ZRANB3: variants seen among roughly 807,000 people sequenced by gnomAD.
ZRANB3 encodes the protein DNA annealing helicase and endonuclease ZRANB3.
A neutral mutation model predicts 133.8 loss-of-function variants in ZRANB3; 125 were observed. The ratio of observed to expected loss-of-function variants is 0.93; its 90% CI spans 0.81 to 1.08. The LOEUF is 1.08. ZRANB3 is among the 50% of genes least tolerant of loss of function. The pLI is 0.00. For synonymous variants in ZRANB3, 387 were observed against 432.7 expected (o/e 0.89, Z 1.31); for missense variants, 1,229 against 1,275.5 (o/e 0.96, Z 0.56).
At chr2:135,420,725 GAAT>G (rs1055082755) in intron 2 of ZRANB3, among the ~76,000 whole-genome samples, 2 of 151,980 alleles carry the variant, frequency 1.3e-5, no homozygotes, top group African/African-American at 4.8e-5. Context: ...TAAATTCTCG[GAAT>G]AATCAAAATA....
chr2:135,283,617 A>AC (rs1681203190), intron 8 of ZRANB3, among the ~76,000 whole-genome samples: 1 of 150,108 alleles, frequency 6.7e-6, no homozygotes, highest in Non-Finnish European at 1.5e-5. Flanking sequence ...CTCTGTCTAA[A>AC]AAAAAAAAAA....
At chr2:135,459,041 C>A (rs1170273087) in intron 2 of ZRANB3, among the ~76,000 whole-genome samples, 1 of 152,084 alleles carries the variant, frequency 6.6e-6, no homozygotes, top group Non-Finnish European at 1.5e-5. Context: ...CTTTTTTGAA[C>A]CCTCTCTTCC....
chr2:135,400,133 G>A (rs893234738), intron 2 of ZRANB3, among the ~76,000 whole-genome samples: 1 of 151,930 alleles, frequency 6.6e-6, no homozygotes, highest in Admixed American at 6.6e-5. Context: ...CCAGCTACTC[G>A]GGAGGCTGAG....
chr2:135,313,448 T>TAA (rs751265175), intron 8 of ZRANB3, 41 bp downstream of exon 8: 13 of 1,306,452 alleles, frequency 1.0e-5, no homozygotes, highest in Non-Finnish European at 1.4e-5. Context: ...CATTGAATAA[T>TAA]TTGTATGAAG....
chr2:135,467,335 C>G (rs938670506), intron 2 of ZRANB3, among the ~76,000 whole-genome samples: 1 of 152,186 alleles, frequency 6.6e-6, no homozygotes, highest in Non-Finnish European at 1.5e-5. Context: ...AAGAGCACTT[C>G]TAATCCATAT....
In ZRANB3 at chr2:135,217,509, C is replaced by T. The variant is rs368110394; in HGVS notation, c.2451G>A (p.Leu817=). ...GQLFCSPILA[L]EEITKQQTKQ... ...TGGTTTGTTGCTTTGTGATCTCTTC[C>T]AAAGCAAGAATTGGGCTACAGAATA... is the stretch of plus-strand genomic sequence containing the variant. The change falls in exon 17 of 21, where the codon TTG becomes TTA. Residue 817 remains leucine, a synonymous_variant. Transcript: ENST00000264159. The T allele has an allele frequency of 2.3e-5, 37 of 1,613,154 alleles. No individual in the cohort carries two copies. In the African/African-American group the frequency reaches 4.8e-4, roughly 21 times the overall value.
At chr2:135,511,741 C>T (rs563701394) in intron 1 of ZRANB3, 21 of 764,588 alleles carry the variant, frequency 2.7e-5, no homozygotes, top group Non-Finnish European at 4.2e-5. Flanking sequence ...GCTGAAGTTT[C>T]GTGACATCAC....
At chr2:135,487,113 A>G in intron 2 of ZRANB3, among the ~76,000 whole-genome samples, 1 of 152,192 alleles carries the variant, frequency 6.6e-6, no homozygotes, top group East Asian at 1.9e-4. Flanking sequence ...CAGGCACGAA[A>G]ACAACATTCA....
intron 6 of ZRANB3, among the ~76,000 whole-genome samples, chr2:135,340,303 A>G (rs13403157): frequency 1.3e-5 from 2 of 151,588 alleles, no homozygotes; most frequent in African/African-American, 2.4e-5. Context: ...ATGGGGTTTC[A>G]CCATGTTGGC....
chr2:135,212,859 G>C (rs974315785), intron 17 of ZRANB3, among the ~76,000 whole-genome samples: 2 of 152,218 alleles, frequency 1.3e-5, no homozygotes, highest in Non-Finnish European at 2.9e-5. Flanking sequence ...GCTGTAACCA[G>C]AGATTAAACA....
chr2:135,488,538 A>G (rs1692226180), intron 2 of ZRANB3, among the ~76,000 whole-genome samples: 1 of 151,776 alleles, frequency 6.6e-6, no homozygotes, highest in Non-Finnish European at 1.5e-5. Context: ...TGATTATACT[A>G]TATAGCATAC....
intron 2 of ZRANB3, among the ~76,000 whole-genome samples, chr2:135,494,098 A>G (rs1441822191): frequency 3.4e-5 from 5 of 145,068 alleles, no homozygotes; most frequent in African/African-American, 1.3e-4. Flanking sequence ...ATGGATAGAA[A>G]TAGAAAGGAG....
At chr2:135,361,496 T>C (rs1685692345) in intron 3 of ZRANB3, among the ~76,000 whole-genome samples, 1 of 152,250 alleles carries the variant, frequency 6.6e-6, no homozygotes, top group African/African-American at 2.4e-5. Flanking sequence ...AAAATTTCAG[T>C]TTCACTTTTT....
chr2:135,231,953 T>C (rs1020671796), intron 12 of ZRANB3, among the ~76,000 whole-genome samples: 1 of 152,114 alleles, frequency 6.6e-6, no homozygotes, highest in African/African-American at 2.4e-5. Flanking sequence ...TGCAGGACAG[T>C]GGGTGCAGCG....
At chr2:135,256,604 A>G (rs1679668423) in intron 12 of ZRANB3, among the ~76,000 whole-genome samples, 1 of 152,362 alleles carries the variant, frequency 6.6e-6, no homozygotes, top group Non-Finnish European at 1.5e-5. Context: ...CTGGGATTAT[A>G]GGCGTGAGCC....
In ZRANB3 at chr2:135,403,739, T is replaced by C. The variant is rs562031553; in HGVS notation, c.162-12919A>G. On this transcript the variant is annotated intron_variant, in intron 2 of 20. Coordinates refer to ENST00000264159, the MANE Select transcript of ZRANB3 (RefSeq NM_032143.4). ...ACTGACACCTCACACGGCCGGGTACTCCTCTGAGACAAAACTTCCAGAGGA... is the reference window on the plus strand; with the variant it reads ...ACTGACACCTCACACGGCCGGGTACCCCTCTGAGACAAAACTTCCAGAGGA... Among the ~76,000 whole-genome samples the C allele has an allele frequency of 5.3e-5, 8 of 152,066 alleles. No homozygotes were observed. The East Asian group carries it at 1.5e-3, about 29-fold the overall frequency.
chr2:135,356,878 TG>T (rs1304656467), intron 3 of ZRANB3, among the ~76,000 whole-genome samples: 1 of 152,034 alleles, frequency 6.6e-6, no homozygotes, highest in Non-Finnish European at 1.5e-5. Flanking sequence ...CTATTTTTTT[TG>T]GTACTTTTTG....
chr2:135,272,521 T>C (rs554358694), intron 9 of ZRANB3, among the ~76,000 whole-genome samples: 50 of 150,228 alleles, frequency 3.3e-4, no homozygotes, highest in Non-Finnish European at 6.6e-4. Context: ...TCACGCCATT[T>C]TCCTGCCTCA....
intron 8 of ZRANB3, among the ~76,000 whole-genome samples, chr2:135,299,953 T>C (rs1682350071): frequency 6.6e-6 from 1 of 152,224 alleles, no homozygotes; most frequent in Non-Finnish European, 1.5e-5. Flanking sequence ...AGAAATCTTT[T>C]ATCTTGAAGA....
Sources: allele counts gnomAD v4.1 joint callset (sites outside exome capture counted in the v4.1 genomes callset), GRCh38; gene constraint gnomAD v4.1.1; transcripts MANE v1.5; gene names NCBI Gene and HGNC (gene_info 2026-07-23, HGNC 2026-07-21).